The following RBFOX3 variants were observed in gnomAD, a reference collection of about 807,000 sequenced individuals.
RBFOX3 encodes RNA binding fox-1 homolog 3, also known as RNA binding protein fox-1 homolog 3.
A neutral mutation model predicts 48.7 loss-of-function variants in RBFOX3; 17 were observed. The observed-to-expected ratio is 0.35, with a 90% CI of 0.24 to 0.52. RBFOX3 has a LOEUF of 0.52. Ranked by LOEUF, RBFOX3 falls within the 20% of genes least tolerant of loss-of-function variation. The pLI is 0.94. For synonymous variants in RBFOX3, 212 were observed against 209.5 expected (o/e 1.01, Z -0.10); for missense variants, 382 against 497.5 (o/e 0.77, Z 2.21).
intron 4 of RBFOX3, among the ~76,000 whole-genome samples, chr17:79,182,591 C>G (rs953429153): frequency 6.6e-6 from 1 of 151,800 alleles, no homozygotes; most frequent in Non-Finnish European, 1.5e-5. Context: ...TGCGCACCTC[C>G]CCACGGGGCA....
chr17:79,116,469 C>T (rs1296250500), intron 4 of RBFOX3, among the ~76,000 whole-genome samples: 1 of 152,254 alleles, frequency 6.6e-6, no homozygotes, highest in Non-Finnish European at 1.5e-5. Flanking sequence ...GAGCCAAAAT[C>T]GCACTATTGC....
chr17:79,513,971 C>CATGG (rs1483099656), intron 1 of RBFOX3, among the ~76,000 whole-genome samples: 2 of 152,204 alleles, frequency 1.3e-5, no homozygotes, highest in East Asian at 3.9e-4. Flanking sequence ...CCCTGCCCAC[C>CATGG]ATGGGCATGT....
intron 1 of RBFOX3, among the ~76,000 whole-genome samples, chr17:79,584,686 G>A (rs910887330): frequency 4.6e-5 from 7 of 152,100 alleles, no homozygotes; most frequent in African/African-American, 1.4e-4. Flanking sequence ...ACCAAATATC[G>A]TATGTTCACA....
intron 2 of RBFOX3, among the ~76,000 whole-genome samples, chr17:79,382,412 A>G (rs1295614378): frequency 6.6e-6 from 1 of 152,218 alleles, no homozygotes; most frequent in African/African-American, 2.4e-5. Context: ...TTGTCATGAC[A>G]GTGGCAAAAA....
chr17:79,158,042 C>A (rs1314919844), intron 4 of RBFOX3, among the ~76,000 whole-genome samples: 1 of 152,156 alleles, frequency 6.6e-6, no homozygotes, highest in Non-Finnish European at 1.5e-5. Flanking sequence ...GAGGTGATTA[C>A]ATTACACTGG....
intron 1 of RBFOX3, among the ~76,000 whole-genome samples, chr17:79,557,225 C>CAAA (rs1167997833): frequency 1.2e-5 from 1 of 86,548 alleles, no homozygotes; most frequent in Non-Finnish European, 2.2e-5. Context: ...GACACTGTCT[C>CAAA]AAAAAAAAAA....
At chr17:79,395,462 T>A (rs1009667491) in intron 2 of RBFOX3, among the ~76,000 whole-genome samples, 3 of 152,214 alleles carry the variant, frequency 2.0e-5, no homozygotes, top group Admixed American at 2.0e-4. Context: ...TTTGTACAGG[T>A]GACCCTCACT....
intron 4 of RBFOX3, among the ~76,000 whole-genome samples, chr17:79,155,553 C>T (rs1300084011): frequency 3.3e-5 from 5 of 152,164 alleles, no homozygotes; most frequent in East Asian, 1.9e-4. Context: ...TAATGCTGTA[C>T]GGCAGAGGTG....
At chr17:79,447,180 T>G (rs1302965156) in intron 2 of RBFOX3, among the ~76,000 whole-genome samples, 1 of 152,250 alleles carries the variant, frequency 6.6e-6, no homozygotes, top group Non-Finnish European at 1.5e-5. Context: ...CCTGAAGTTC[T>G]GTAACCCGCT....
chr17:79,459,644 T>C (rs1278885945), intron 2 of RBFOX3, among the ~76,000 whole-genome samples: 1 of 151,584 alleles, frequency 6.6e-6, no homozygotes, highest in Non-Finnish European at 1.5e-5. Flanking sequence ...CAGGCCACCC[T>C]CAACACTGGC....
intron 3 of RBFOX3, among the ~76,000 whole-genome samples, chr17:79,272,770 G>A (rs757789404): frequency 3.9e-5 from 6 of 152,196 alleles, no homozygotes; most frequent in Non-Finnish European, 7.4e-5. Flanking sequence ...CTGGGGTGCT[G>A]TGGAGGGAGG....
At chr17:79,238,482 T>C (rs2061910011) in intron 3 of RBFOX3, among the ~76,000 whole-genome samples, 1 of 152,166 alleles carries the variant, frequency 6.6e-6, no homozygotes, top group South Asian at 2.1e-4. Context: ...CCCGAACACC[T>C]CCGTGTCCCC....
chr17:79,495,646 GGTGCAGGAAGGTGGGAATGGA>G (rs2081396697), intron 1 of RBFOX3, among the ~76,000 whole-genome samples: 1 of 137,020 alleles, frequency 7.3e-6, no homozygotes, highest in East Asian at 2.1e-4. Context: ...CAGGGATGGG[GGTGCAGGAAGGTGGGAATGGA>G]ATGCATGGGA....
chr17:79,637,185 G>A, the RBFOX3 span, among the ~76,000 whole-genome samples: 1 of 152,176 alleles, frequency 6.6e-6, no homozygotes, highest in Non-Finnish European at 1.5e-5. Context: ...GGGAGTGATA[G>A]ACAGCAATAT....
chr17:79,384,872 G>T (rs1293680759), intron 2 of RBFOX3, among the ~76,000 whole-genome samples: 2 of 152,244 alleles, frequency 1.3e-5, no homozygotes, highest in Non-Finnish European at 2.9e-5. Context: ...CATCTTCCGG[G>T]GGATGTTTCA....
intron 2 of RBFOX3, among the ~76,000 whole-genome samples, chr17:79,417,855 T>A (rs782423681): frequency 6.6e-6 from 1 of 152,174 alleles, no homozygotes; most frequent in Non-Finnish European, 1.5e-5. Flanking sequence ...AAACAGAACA[T>A]GCTCCATGCA....
Position 79,480,992 on chromosome 17 carries a change from C to A in RBFOX3, c.-175+1462G>T, listed in dbSNP as rs754441658. On this transcript the variant is annotated intron_variant, in intron 2 of 14. Coordinates refer to ENST00000693108, the MANE Select transcript of RBFOX3 (RefSeq NM_001350451.2). The surrounding 1 kb of genome is among the most constrained non-coding windows in gnomAD (Gnocchi z 4.8). ...AGGTTGTGGAATGAACAATGTAGGG[C>A]AGTCTGGATGGATGAGCTACGGCAA... Among the ~76,000 whole-genome samples, 1 of 152,168 alleles carries A rather than the reference C, an allele frequency of 6.6e-6. No individual in the cohort carries two copies. The highest frequency in any genetic ancestry group is 1.5e-5 in the Non-Finnish European group (1 of 68,026).
chr17:79,304,537 T>A (rs951389914), intron 3 of RBFOX3, among the ~76,000 whole-genome samples: 3 of 151,878 alleles, frequency 2.0e-5, no homozygotes, highest in Non-Finnish European at 4.4e-5. Context: ...ATCACACACA[T>A]CACACACGCA....
At chr17:79,469,430 C>T (rs1351459869) in intron 2 of RBFOX3, among the ~76,000 whole-genome samples, 1 of 152,180 alleles carries the variant, frequency 6.6e-6, no homozygotes, top group Non-Finnish European at 1.5e-5. Flanking sequence ...GAGAGGACCC[C>T]ACTCCACGTC....
Sources: gnomAD v4.1 joint callset for allele counts (sites outside exome capture counted in the v4.1 genomes callset) on GRCh38, gnomAD v4.1.1 for gene constraint, Gnocchi (gnomAD v3.1) non-coding constraint, MANE v1.5 for transcripts, NCBI Gene and HGNC (gene_info 2026-07-23, HGNC 2026-07-21) for gene names.